The following TANGO6 variants were observed in gnomAD, a reference collection of about 807,000 sequenced individuals.
TANGO6 encodes the protein transport and Golgi organization protein 6 homolog.
TANGO6 carries 90 observed loss-of-function variants against 114.2 expected under a neutral mutation model. The observed-to-expected ratio is 0.79, with a 90% confidence interval of 0.66 to 0.94. The LOEUF (loss-of-function observed/expected upper bound fraction) is 0.94. Ranked by LOEUF, TANGO6 falls within the 40% of genes least tolerant of loss-of-function variation. TANGO6 has a pLI of 0.00. For missense variants in TANGO6, 1,274 were observed against 1,315.3 expected (o/e 0.97, Z 0.49); for synonymous variants, 477 against 509.8 (o/e 0.94, Z 0.87).
At position 69,022,882 on chromosome 16, in the gene TANGO6, T is replaced by C. The variant is rs1296287458; in HGVS notation, c.2897T>C (p.Val966Ala). The C allele has an allele frequency of 6.3e-7, 1 of 1,594,458 alleles. No individual in the cohort carries two copies. Among genetic ancestry groups the C allele is most frequent in the Non-Finnish European group, 8.5e-7 (1 of 1,170,254 alleles). ...TTGATCCATACCTTCCTGAGGGGAG[T>C]GAGAGATCCTGATGGTGCTCACAGG... ...EPLIHTFLRG[V>A]RDPDGAHRAS... The change falls in exon 16 of 18, where the codon GTG becomes GCG. Residue 966 changes from valine to alanine, a missense_variant. Val to Ala is a moderately conservative substitution (Grantham distance 64). Around this residue, in one of 5 missense-constraint regions of TANGO6, gnomAD observed 238 missense variants for 252.9 expected, o/e 0.94. Coordinates refer to ENST00000261778, the MANE Select transcript of TANGO6 (RefSeq NM_024562.2).
chr16:69,028,729 T>C lies in TANGO6; in HGVS notation c.2994+5750T>C, dbSNP rs528123729. Among the ~76,000 whole-genome samples the C allele has an allele frequency of 2.0e-5, 3 of 151,994 alleles. No individual in the cohort carries two copies. In the South Asian group the frequency reaches 6.2e-4, roughly 32 times the overall value. On this transcript the variant is annotated intron_variant, in intron 16 of 17. Transcript: ENST00000261778. ...TACAATCACACACACTTTTTTTTTT[T>C]ATTTTTAGAGATGGGGTCTTGCTGT...
intron 15 of TANGO6, among the ~76,000 whole-genome samples, chr16:68,999,215 A>G (rs1964018887): frequency 6.6e-6 from 1 of 152,138 alleles, no homozygotes; most frequent in African/African-American, 2.4e-5. Flanking sequence ...GAGTCCAGCC[A>G]TGAATTCATC....
chr16:68,880,592 G>GA lies in TANGO6; in HGVS notation c.1341dup (p.Glu448ArgfsTer4), dbSNP rs1962445159. 6.2e-7 allele frequency: 1 copy of GA among 1,612,858 alleles called. No individual in the cohort carries two copies. Among genetic ancestry groups the GA allele is most frequent in the Non-Finnish European group, 8.5e-7 (1 of 1,179,366 alleles). On this transcript the variant is annotated frameshift_variant, in exon 7 of 18. Coordinates refer to ENST00000261778, the MANE Select transcript of TANGO6 (RefSeq NM_024562.2). LOFTEE classifies it high-confidence loss of function. ...GGTACCAGGAACTATTTTGGTGACAGAAGAAGAACTTAGTAGATGCATTGA... is the reference window on the plus strand; with the variant it reads ...GGTACCAGGAACTATTTTGGTGACAGAAAGAAGAACTTAGTAGATGCATTGA...
At chr16:68,973,944 G>C in intron 14 of TANGO6, 84 bp from the exon 15 acceptor site, 13 of 1,462,330 alleles carry the variant, frequency 8.9e-6, no homozygotes, top group East Asian at 2.5e-5. Context: ...GCATCTCTGC[G>C]TTCATCCCAT....
chr16:69,008,736 A>G (rs1964118795), intron 15 of TANGO6, among the ~76,000 whole-genome samples: 1 of 151,850 alleles, frequency 6.6e-6, no homozygotes, highest in Non-Finnish European at 1.5e-5. Context: ...TCTGCCTCCC[A>G]GGCTCAACCA....
chr16:69,079,520 A>G (rs1960435352), intron 17 of TANGO6, among the ~76,000 whole-genome samples: 1 of 152,050 alleles, frequency 6.6e-6, no homozygotes, highest in Non-Finnish European at 1.5e-5. Context: ...TTTCACAAAG[A>G]AAAAATGCCA....
At chr16:68,875,432 G>T in intron 5 of TANGO6, 142 bp downstream of exon 5, 2 of 1,101,232 alleles carry the variant, frequency 1.8e-6, no homozygotes, top group East Asian at 2.7e-5. Flanking sequence ...CTTAATAAAT[G>T]AATAAAAACC....
intron 17 of TANGO6, among the ~76,000 whole-genome samples, chr16:69,045,332 T>C (rs183287166): frequency 1.4e-5 from 2 of 144,660 alleles, no homozygotes; most frequent in Non-Finnish European, 3.0e-5. Context: ...TAGTCCTAGC[T>C]ACTCGGGAGG....
At chr16:69,063,844 A>ATAT (rs1193695586) in intron 17 of TANGO6, among the ~76,000 whole-genome samples, 1 of 130,130 alleles carries the variant, frequency 7.7e-6, no homozygotes, top group East Asian at 2.1e-4. Flanking sequence ...TATTATTATT[A>ATAT]TATTATTTTG....
chr16:68,914,597 G>T (rs771228668), intron 11 of TANGO6, among the ~76,000 whole-genome samples: 8 of 152,154 alleles, frequency 5.3e-5, no homozygotes, highest in East Asian at 1.9e-4. Flanking sequence ...GGAATATTTG[G>T]CTTTTAAAAT....
At chr16:68,903,932 A>G (rs1037448626) in intron 9 of TANGO6, among the ~76,000 whole-genome samples, 18 of 152,118 alleles carry the variant, frequency 1.2e-4, no homozygotes, top group Non-Finnish European at 2.1e-4. Context: ...AAAAAAAAAA[A>G]AAGAAGTTTA....
intron 8 of TANGO6, among the ~76,000 whole-genome samples, chr16:68,900,942 A>G (rs1446000779): frequency 6.6e-6 from 1 of 152,234 alleles, no homozygotes; most frequent in Non-Finnish European, 1.5e-5. Flanking sequence ...TGAATGTGGC[A>G]CTTTGTAATT....
In TANGO6 at chr16:68,927,816, T is replaced by C. The variant is rs1963187848; in HGVS notation, c.2376T>C (p.His792=). The part of the protein sequence containing the change: ...TSHERPTDVA[H]SHLEQQQSHE... The stretch of plus-strand genomic sequence containing the variant: ...ATGAAAGACCCACTGATGTAGCTCA[T>C]AGCCACCTTGAACAACAGCAGAGCC... Residue 792 remains histidine, a synonymous_variant, in exon 13 of 18, where the codon CAT becomes CAC. Coordinates refer to ENST00000261778, the MANE Select transcript of TANGO6 (RefSeq NM_024562.2). 3 of 1,613,996 alleles carry C rather than the reference T, an allele frequency of 1.9e-6. No individual in the cohort carries two copies. In the African/African-American group the frequency reaches 4.0e-5, roughly 22 times the overall value.
intron 1 of TANGO6, among the ~76,000 whole-genome samples, chr16:68,846,239 G>A (rs558456537): frequency 5.3e-4 from 81 of 151,690 alleles, no homozygotes; most frequent in African/African-American, 1.3e-3. Flanking sequence ...TTGGCCAGGC[G>A]AGTCTCGAAC....
At chr16:69,026,175 T>G (rs1169837449) in intron 16 of TANGO6, 1 of 151,802 alleles carries the variant, frequency 6.6e-6, no homozygotes, top group Non-Finnish European at 1.5e-5. Context: ...CTAATTTTTG[T>G]ATTTTTAGTA....
intron 17 of TANGO6, among the ~76,000 whole-genome samples, chr16:69,081,832 C>CTTT (rs1346630417): frequency 2.2e-5 from 3 of 138,804 alleles, no homozygotes; most frequent in Non-Finnish European, 3.1e-5. Flanking sequence ...TAGTAGCAGA[C>CTTT]TTTTTTTTTT....
At chr16:68,905,318 A>G (rs1326619542) in intron 9 of TANGO6, among the ~76,000 whole-genome samples, 1 of 151,640 alleles carries the variant, frequency 6.6e-6, no homozygotes, top group East Asian at 2.0e-4. Flanking sequence ...TGGGTGGATC[A>G]CGAGGTCAGG....
intron 14 of TANGO6, among the ~76,000 whole-genome samples, chr16:68,955,771 C>A (rs1427259182): frequency 1.3e-5 from 2 of 152,152 alleles, no homozygotes; most frequent in African/African-American, 2.4e-5. Context: ...AACATTAAAT[C>A]TTAAATTCAA....
chr16:68,875,435 T>G (rs1457410317), intron 5 of TANGO6, 145 bp downstream of exon 5: 1 of 1,075,734 alleles, frequency 9.3e-7, no homozygotes, highest in South Asian at 2.0e-5. Context: ...AATAAATGAA[T>G]AAAAACCGGT....
Sources: allele counts gnomAD v4.1 joint callset (sites outside exome capture counted in the v4.1 genomes callset), GRCh38; gene constraint gnomAD v4.1.1; regional missense constraint gnomAD v4.1.1; transcripts MANE v1.5; gene names NCBI Gene and HGNC (gene_info 2026-07-23, HGNC 2026-07-21).